COL6A5: variants seen among roughly 807,000 people sequenced by gnomAD.
COL6A5 encodes the protein collagen type VI alpha 5 chain.
COL6A5 carries 48 observed loss-of-function variants against 65.6 expected under a neutral mutation model. The observed-to-expected ratio is 0.73, with a 90% confidence interval of 0.58 to 0.93. The LOEUF is 0.93. Among genes scored for constraint, COL6A5 ranks in the 40% least tolerant of loss-of-function variants. COL6A5 has a pLI of 0.00. For missense variants in COL6A5, 914 were observed against 928.3 expected, an observed-to-expected ratio of 0.98 and a Z score of 0.20; for synonymous variants, 291 against 322.8, an observed-to-expected ratio of 0.90 and a Z score of 1.05.
rs1577412865 is a variant in COL6A5 at position 130,347,814 on chromosome 3, CCTG to C, written c.-29+1834_-29+1836del. On this transcript the variant is annotated intron_variant and NMD_transcript_variant, in intron 1 of 41. Coordinates refer to the COL6A5 transcript ENST00000312481. ...TATTGCAGTTTGCTTTGATGATGCC[CCTG>C]TCAATCTTGTAGGATCTCAGATCCA... 2.6e-5 allele frequency among the ~76,000 whole-genome samples: 4 copies of C among 152,230 alleles called. No individual in the cohort carries two copies. The East Asian group carries it at 7.7e-4, about 29-fold the overall frequency.
intron 14 of COL6A5, 85 bp downstream of exon 14, chr3:130,405,744 T>A (rs1328085898): frequency 8.8e-7 from 1 of 1,132,718 alleles, no homozygotes; most frequent in African/African-American, 1.5e-5. Flanking sequence ...CCTCATTTTC[T>A]CTCTTCCATC....
intron 7 of COL6A5, among the ~76,000 whole-genome samples, chr3:130,475,147 T>C (rs750028553): frequency 4.0e-5 from 6 of 151,850 alleles, no homozygotes; most frequent in Non-Finnish European, 7.4e-5. Flanking sequence ...TGGAGGCTTG[T>C]TGAGTATCAG....
rs375574703 is a variant in COL6A5 at position 130,352,366 on chromosome 3, G to C, written c.-29+6385G>C. On this transcript the variant is annotated intron_variant and NMD_transcript_variant, in intron 1 of 41. Transcript: ENST00000312481. ...ATGTTTGTGGGTAGTAGGTAGTAGA[G>C]TGTGTGTGTTAGAGACTAACAGATG... Among the ~76,000 whole-genome samples the C allele has an allele frequency of 6.4e-4, 97 of 152,120 alleles. 1 individual carries two copies. The South Asian group carries it at 0.019, about 30-fold the overall frequency.
At chr3:130,475,559 G>C (rs912077474) in intron 7 of COL6A5, among the ~76,000 whole-genome samples, 1 of 151,922 alleles carries the variant, frequency 6.6e-6, no homozygotes, top group African/African-American at 2.4e-5. Context: ...CAAAATAAAG[G>C]CATTCTCAGA....
At chr3:130,428,200 G>A (rs966004200), upstream of COL6A5, among the ~76,000 whole-genome samples, 6 of 152,128 alleles carry the variant, frequency 3.9e-5, no homozygotes, top group Non-Finnish European at 8.8e-5. Flanking sequence ...ACCACACAGG[G>A]CACTGATTGG....
chr3:130,445,503 G>A (rs959187214), intron 4 of COL6A5, among the ~76,000 whole-genome samples: 23 of 152,176 alleles, frequency 1.5e-4, no homozygotes, highest in African/African-American at 5.3e-4. Context: ...AGGTAAGTAA[G>A]GCAGAATGTC....
rs74458341 is a variant in COL6A5, at chr3:130,417,539, A to T, written c.4887+720A>T. 9.1e-4 allele frequency among the ~76,000 whole-genome samples: 138 copies of T among 152,230 alleles called. 1 individual carries two copies. Among genetic ancestry groups the T allele is most frequent in the African/African-American group, 3.3e-3 (136 of 41,550 alleles). ...TCTCTTTCACTCCCTGATTTCCTGAATCCAAGAATGCATGTGGTTGCTGAG... is the reference window on the plus strand; with the variant it reads ...TCTCTTTCACTCCCTGATTTCCTGATTCCAAGAATGCATGTGGTTGCTGAG... On this transcript the variant is annotated intron_variant and NMD_transcript_variant, in intron 24 of 41. Coordinates refer to the COL6A5 transcript ENST00000312481.
intron 17 of COL6A5, 80 bp downstream of exon 17, chr3:130,406,401 A>G: frequency 1.8e-6 from 2 of 1,115,474 alleles, no homozygotes; most frequent in Non-Finnish European, 2.6e-6. Flanking sequence ...GTCAGTGGTT[A>G]TAGGGGATAA....
chr3:130,412,454 C>G lies in COL6A5; in HGVS notation c.4663-1091C>G, dbSNP rs1937207621. Among the ~76,000 whole-genome samples the G allele has an allele frequency of 2.0e-5, 3 of 152,172 alleles. No individual in the cohort carries two copies. In the South Asian group the frequency reaches 6.2e-4, roughly 32 times the overall value. ...CCTGTGCCACACAGGCTTTAAAGAA[C>G]AAAACTGAGCTCAAGTCTGCCTGAT... On this transcript the variant is annotated intron_variant and NMD_transcript_variant, in intron 20 of 41. Transcript: ENST00000312481.
rs116539402 is a variant in COL6A5 at position 130,423,575 on chromosome 3, C to T, written c.5101-263C>T. On this transcript the variant is annotated intron_variant and NMD_transcript_variant, in intron 28 of 41. Coordinates refer to the COL6A5 transcript ENST00000312481. ...ATTTGCTCTTCCAATTAGCACCAAT[C>T]CCAATTTATGGCTAATTAAGATTGA... 5.2e-3 allele frequency among the ~76,000 whole-genome samples: 789 copies of T among 152,232 alleles called. 3 individuals carry two copies. The highest frequency in any genetic ancestry group is 0.018 in the African/African-American group (764 of 41,554).
At chr3:130,376,240 C>A in exon 3 of COL6A5, 1 of 1,592,340 alleles carries the variant, frequency 6.3e-7, no homozygotes, top group Non-Finnish European at 8.5e-7. Flanking sequence ...TTGATAGGGC[C>A]AGGCCCTGTG....
At chr3:130,391,880 C>T (rs1272025989) in intron 7 of COL6A5, 126 bp downstream of exon 7, 4 of 749,060 alleles carry the variant, frequency 5.3e-6, no homozygotes, top group Non-Finnish European at 8.5e-6. Flanking sequence ...CTCAGGCTAT[C>T]AGTTTTCTCA....
At chr3:130,453,166 T>C (rs547371105) in intron 4 of COL6A5, among the ~76,000 whole-genome samples, 3 of 151,994 alleles carry the variant, frequency 2.0e-5, no homozygotes, top group Admixed American at 6.6e-5. Flanking sequence ...GATGACAGGA[T>C]TAAGAGATTA....
At chr3:130,345,769 G>C (rs906137358) in exon 1 of COL6A5, 10 of 398,506 alleles carry the variant, frequency 2.5e-5, no homozygotes, top group South Asian at 1.3e-4. Context: ...CTCAGGGCAC[G>C]AGGCGTTCGC....
At chr3:130,415,903 G>A (rs1322578816) in intron 23 of COL6A5, among the ~76,000 whole-genome samples, 196 bp downstream of exon 23, 1 of 152,050 alleles carries the variant, frequency 6.6e-6, no homozygotes, top group African/African-American at 2.4e-5. Flanking sequence ...CTTCACTGGG[G>A]TTTTACTCTG....
In COL6A5 at chr3:130,380,051, G is replaced by T; in HGVS notation, c.1300+1G>T. The T allele has an allele frequency of 6.7e-7, 1 of 1,497,792 alleles. No individual in the cohort carries two copies. Among genetic ancestry groups the T allele is most frequent in the East Asian group, 2.5e-5 (1 of 40,356 alleles). The allele number at this position is 1,497,792 out of a possible 1,614,324, so 92.8% of individuals were successfully genotyped here. On this transcript the variant is annotated splice_donor_variant and NMD_transcript_variant, in intron 4 of 41. Transcript: ENST00000312481. Reference sequence around the variant, plus strand: ...GAACAAAGGAATCTTGATAAAACTGGTATGTTTTTTAAAATACTTTTCTAA... The same window carrying T: ...GAACAAAGGAATCTTGATAAAACTGTTATGTTTTTTAAAATACTTTTCTAA...
intron 12 of COL6A5, 72 bp from the exon 13 acceptor site, chr3:130,403,537 C>G: frequency 7.6e-7 from 1 of 1,312,386 alleles, no homozygotes; most frequent in Non-Finnish European, 1.1e-6. Context: ...GCTTAGAATG[C>G]CTAATGATTT....
intron 7 of COL6A5, among the ~76,000 whole-genome samples, chr3:130,478,989 A>G (rs929315469): frequency 2.6e-5 from 4 of 152,032 alleles, no homozygotes; most frequent in African/African-American, 9.7e-5. Flanking sequence ...TGGGATTTCC[A>G]TGAGAACAAA....
intron 19 of COL6A5, 95 bp downstream of exon 19, chr3:130,410,169 G>A: frequency 2.2e-6 from 2 of 919,414 alleles, no homozygotes; most frequent in Non-Finnish European, 3.4e-6. Context: ...TTGAACAAAT[G>A]CTCTTAAGAC....
Sources: allele counts gnomAD v4.1 joint callset (sites outside exome capture counted in the v4.1 genomes callset), GRCh38; gene constraint gnomAD v4.1.1; transcripts MANE v1.5; gene names NCBI Gene and HGNC (gene_info 2026-07-23, HGNC 2026-07-21).